The following TENT4B variants were observed in gnomAD, a reference collection of about 807,000 sequenced individuals.
TENT4B encodes the protein terminal nucleotidyltransferase 4B.
In TENT4B, 10 loss-of-function variants were observed where a neutral mutation model predicts 75.0. That is an observed-to-expected ratio of 0.13 (90% confidence interval 0.08 to 0.23). The LOEUF is 0.23. TENT4B is among the 10% of genes least tolerant of loss of function. The pLI, the probability that TENT4B is intolerant of heterozygous loss-of-function variation, is 1.00. For missense variants in TENT4B, 579 were observed against 893.8 expected (o/e 0.65, Z 4.49); for synonymous variants, 350 against 357.7 (o/e 0.98, Z 0.24).
intron 1 of TENT4B, among the ~76,000 whole-genome samples, chr16:50,194,805 G>A (rs368990144): frequency 1.5e-5 from 2 of 137,176 alleles, no homozygotes; most frequent in African/African-American, 5.5e-5. Context: ...CTGGAGTGCA[G>A]TGGCGCGATC....
At chr16:50,176,672 A>G (rs1052896666) in intron 1 of TENT4B, among the ~76,000 whole-genome samples, 11 of 151,084 alleles carry the variant, frequency 7.3e-5, no homozygotes, top group African/African-American at 2.7e-4. Flanking sequence ...ACGCCCAGAT[A>G]ATTTTTGTAT....
intron 5 of TENT4B, 42 bp downstream of exon 5, chr16:50,217,705 G>A (rs1162749952): frequency 1.3e-5 from 15 of 1,159,166 alleles, no homozygotes; most frequent in Admixed American, 5.7e-5. Context: ...TATTAGAAAC[G>A]TAATTTTAAG....
chr16:50,210,976 T>A (rs1423401853), intron 1 of TENT4B, among the ~76,000 whole-genome samples: 1 of 152,202 alleles, frequency 6.6e-6, no homozygotes, highest in Non-Finnish European at 1.5e-5. Context: ...GATAAGAGGG[T>A]CAGTCCCTAC....
chr16:50,226,790 C>T (rs2032076448), intron 10 of TENT4B, among the ~76,000 whole-genome samples: 3 of 152,128 alleles, frequency 2.0e-5, no homozygotes, highest in African/African-American at 7.2e-5. Flanking sequence ...GTTTTTAGAA[C>T]ATATTCACAA....
chr16:50,228,793 T>C (rs2032169284), intron 11 of TENT4B, among the ~76,000 whole-genome samples: 5 of 152,236 alleles, frequency 3.3e-5, no homozygotes. Context: ...CCACCTGTGC[T>C]GACCCAAACC....
At chr16:50,218,399 C>T (rs1485549989) in intron 5 of TENT4B, among the ~76,000 whole-genome samples, 1 of 151,808 alleles carries the variant, frequency 6.6e-6, no homozygotes, top group Non-Finnish European at 1.5e-5. Flanking sequence ...TGCAGTGGCA[C>T]GATCTTGGTT....
In TENT4B at chr16:50,206,909, G is replaced by GTT. The variant is rs11459737; in HGVS notation, c.639-4403_639-4402dup. Among the ~76,000 whole-genome samples, 920 of 146,636 alleles carry GTT rather than the reference G, an allele frequency of 6.3e-3. 6 individuals are homozygous for GTT. The highest frequency in any genetic ancestry group is 8.7e-3 in the African/African-American group (350 of 40,242). On this transcript the variant is annotated intron_variant, in intron 1 of 11. Transcript: ENST00000561678. ...AGATCTTTCCTCAGAACAGAAGTTT[G>GTT]TTTTTTTTTTTTAACCTAAATTACC... is the stretch of plus-strand genomic sequence containing the variant.
intron 1 of TENT4B, among the ~76,000 whole-genome samples, chr16:50,179,753 A>AT (rs1300839696): frequency 6.6e-6 from 1 of 152,214 alleles, no homozygotes; most frequent in African/African-American, 2.4e-5. Flanking sequence ...TTCTGCTGTT[A>AT]GTATAGTGAC....
intron 1 of TENT4B, among the ~76,000 whole-genome samples, chr16:50,171,603 A>G (rs1267825482): frequency 6.6e-6 from 1 of 152,086 alleles, no homozygotes; most frequent in Non-Finnish European, 1.5e-5. Context: ...TGATATTTGT[A>G]CAACACAGGC....
intron 1 of TENT4B, among the ~76,000 whole-genome samples, chr16:50,171,808 T>A (rs1470213317): frequency 6.6e-6 from 1 of 150,834 alleles, no homozygotes; most frequent in Non-Finnish European, 1.5e-5. Flanking sequence ...CTACTAAAAA[T>A]ACAAAAAATA....
At chr16:50,226,209 C>G (rs1012569233) in intron 10 of TENT4B, among the ~76,000 whole-genome samples, 11 of 151,868 alleles carry the variant, frequency 7.2e-5, no homozygotes, top group African/African-American at 2.7e-4. Context: ...CCATGTTGGC[C>G]AGGCTGGTCT....
intron 3 of TENT4B, 74 bp from the exon 4 acceptor site, chr16:50,216,001 C>G: frequency 6.3e-7 from 1 of 1,576,212 alleles, no homozygotes; most frequent in Non-Finnish European, 8.7e-7. Context: ...CTAATGAAGT[C>G]TATAAGCATG....
intron 1 of TENT4B, among the ~76,000 whole-genome samples, chr16:50,189,903 C>T: frequency 6.6e-6 from 1 of 151,160 alleles, no homozygotes; most frequent in East Asian, 1.9e-4. Flanking sequence ...ATGGTGAAAC[C>T]CCATCTCTAC....
intron 1 of TENT4B, among the ~76,000 whole-genome samples, chr16:50,169,839 G>T (rs912342220): frequency 5.3e-5 from 8 of 152,106 alleles, no homozygotes; most frequent in Non-Finnish European, 1.2e-4. Flanking sequence ...CTTTTGGTCA[G>T]TAGCCAAGAC....
chr16:50,200,790 G>A (rs1232093933), intron 1 of TENT4B, among the ~76,000 whole-genome samples: 1 of 150,448 alleles, frequency 6.6e-6, no homozygotes, highest in Non-Finnish European at 1.5e-5. Context: ...TTATTTTTGT[G>A]TTTTTTATTT....
intron 1 of TENT4B, among the ~76,000 whole-genome samples, chr16:50,175,973 G>A (rs972177172): frequency 6.6e-6 from 1 of 152,008 alleles, no homozygotes; most frequent in African/African-American, 2.4e-5. Flanking sequence ...TTTAGAGACA[G>A]GGTTTTACCA....
intron 1 of TENT4B, among the ~76,000 whole-genome samples, chr16:50,180,322 C>T (rs2038388459): frequency 6.6e-6 from 1 of 152,132 alleles, no homozygotes; most frequent in African/African-American, 2.4e-5. Flanking sequence ...TCAGGTTGGT[C>T]TCGAACTCCT....
intron 1 of TENT4B, among the ~76,000 whole-genome samples, chr16:50,196,763 CAAA>C (rs5816681): frequency 1.4e-5 from 2 of 138,730 alleles, no homozygotes; most frequent in Admixed American, 7.2e-5. Flanking sequence ...CCTGTCTCTA[CAAA>C]AAAAAAAAAA....
Position 50,233,322 on chromosome 16 carries a change from G to A in TENT4B, c.*3994G>A. On this transcript the variant is annotated 3_prime_UTR_variant, in exon 12 of 12. Transcript: ENST00000561678. ...TACCTGCCATCTTGTCAAAACATTT[G>A]TGGGTAGAATAAGTGTTAAAGATCA... 4 of 985,342 alleles carry A rather than the reference G, an allele frequency of 4.1e-6. No individual in the cohort carries two copies. Among genetic ancestry groups the A allele is most frequent in the Non-Finnish European group, 4.8e-6 (4 of 829,910 alleles). 61.0% of individuals were successfully genotyped at this position (985,342 alleles called of 1,614,324 possible). A position where few individuals can be genotyped will look rare whatever the true frequency, so the allele number is the denominator to read the frequency against.
Sources: gnomAD v4.1 joint callset for allele counts (sites outside exome capture counted in the v4.1 genomes callset) on GRCh38, gnomAD v4.1.1 for gene constraint, MANE v1.5 for transcripts, NCBI Gene and HGNC (gene_info 2026-07-23, HGNC 2026-07-21) for gene names.